ABCC10: variants seen among roughly 807,000 people sequenced by gnomAD.
ABCC10 encodes the protein ATP binding cassette subfamily C member 10.
Under a neutral mutation model 143.2 loss-of-function variants are expected in ABCC10, and 110 were observed. The ratio of observed to expected loss-of-function variants is 0.77; its 90% CI spans 0.66 to 0.90. The LOEUF (loss-of-function observed/expected upper bound fraction) is 0.90, where lower values mean the gene tolerates loss of function less well. Among genes scored for constraint, ABCC10 ranks in the 40% least tolerant of loss-of-function variants. ABCC10 has a pLI of 0.00. For missense variants in ABCC10, 1,700 were observed against 1,900.5 expected (o/e 0.89, Z 1.96); for synonymous variants, 805 against 846.7 (o/e 0.95, Z 0.85).
intron 6 of ABCC10, among the ~76,000 whole-genome samples, chr6:43,436,837 C>T (rs1781780105): frequency 6.6e-6 from 1 of 152,344 alleles, no homozygotes; most frequent in East Asian, 1.9e-4. Context: ...GCCTCCACCA[C>T]ATTTGGCTCA....
intron 20 of ABCC10, 79 bp from the exon 21 acceptor site, chr6:43,449,343 G>T (rs529608762): frequency 6.7e-7 from 1 of 1,499,504 alleles, no homozygotes; most frequent in Non-Finnish European, 9.1e-7. Context: ...CTGTGGTAGG[G>T]GCTGTTGCTT....
At chr6:43,444,985 G>A (rs779680834) in intron 13 of ABCC10, 47 bp downstream of exon 13, 101 of 1,585,058 alleles carry the variant, frequency 6.4e-5, no homozygotes, top group Non-Finnish European at 8.0e-5. Context: ...CAGAGTGGTC[G>A]CCAGGCAGGG....
chr6:43,446,342 C>T lies in ABCC10; in HGVS notation c.3440C>T (p.Thr1147Ile). The stretch of plus-strand genomic sequence containing the variant: ...AGGTGCCAGTTTGCCACCAGTGCCA[C>T]AATGCAGTGGCTGGACATTCGGCTA... ...NQRCQFATSA[T>I]MQWLDIRLQL... The change falls in exon 16 of 22, where the codon ACA becomes ATA. Residue 1147 changes from threonine to isoleucine, a missense_variant. Physicochemically the swap from Thr to Ile is moderately conservative, Grantham distance 89. Coordinates refer to ENST00000372530, the MANE Select transcript of ABCC10 (RefSeq NM_001198934.2). 1.2e-6 allele frequency: 2 copies of T among 1,613,978 alleles called. No homozygotes were observed. Among genetic ancestry groups the T allele is most frequent in the Non-Finnish European group, 1.7e-6 (2 of 1,179,948 alleles).
rs142977044 is a variant in ABCC10, at chr6:43,444,874, A to G, written c.2776A>G (p.Thr926Ala). ...TAGCTCCCAGGAGGCGCAACCCTCC[A>G]CCAGCCCAGCTTCTATGGGGCTCTT... ...ENSSQEAQPS[T>A]SPASMGLFSP... Residue 926 changes from threonine to alanine, a missense_variant, in exon 13 of 22, where the codon ACC (threonine) becomes GCC (alanine). By Grantham distance (58) the Thr-to-Ala change is moderately conservative. Transcript: ENST00000372530. 1.9e-6 allele frequency: 3 copies of G among 1,613,914 alleles called. No homozygotes were observed. In the Admixed American group the frequency reaches 5.0e-5, roughly 27 times the overall value.
intron 18 of ABCC10, among the ~76,000 whole-genome samples, chr6:43,448,319 A>G (rs1424957465): frequency 6.6e-6 from 1 of 152,194 alleles, no homozygotes; most frequent in Non-Finnish European, 1.5e-5. Context: ...ACTGGAGGGT[A>G]TACAACCCTT....
chr6:43,427,736 G>T lies in ABCC10; in HGVS notation c.-33G>T, dbSNP rs1562160179. ...CGGATGCCTGGGGGCGGAGAAACGG[G>T]AGGGGAAAAACAGATGGCAAGGTGG... On this transcript the variant is annotated 5_prime_UTR_variant, in exon 1 of 22. Transcript: ENST00000372530. 2 of 588,252 alleles carry T rather than the reference G, an allele frequency of 3.4e-6. No individual in the cohort carries two copies. Among genetic ancestry groups the T allele is most frequent in the East Asian group, 5.7e-5 (2 of 35,050 alleles). 36.4% of individuals were successfully genotyped at this position (588,252 alleles called of 1,614,324 possible). A position where few individuals can be genotyped will look rare whatever the true frequency, so the allele number is the denominator to read the frequency against.
Position 43,440,593 on chromosome 6 carries a change from G to A in ABCC10, c.2128-1269G>A, listed in dbSNP as rs113285774. 7.0e-3 allele frequency among the ~76,000 whole-genome samples: 1,059 copies of A among 151,140 alleles called. 17 individuals carry two copies. Among genetic ancestry groups the A allele is most frequent in the African/African-American group, 0.023 (936 of 41,126 alleles). On this transcript the variant is annotated intron_variant, in intron 8 of 21. Transcript: ENST00000372530. ...CCCAGGGCAGCCAGGCTTAACAGTG[G>A]TGGCTCACGCCTGTAATCCCAGCAC...
Position 43,443,429 on chromosome 6 carries a change from T to A in ABCC10, c.2416+270T>A. 2.5e-6 allele frequency: 1 copy of A among 401,426 alleles called. No individual in the cohort carries two copies. Among genetic ancestry groups the A allele is most frequent in the Non-Finnish European group, 4.4e-6 (1 of 226,618 alleles). The allele number at this position is 401,426 out of a possible 1,614,324, so 24.9% of individuals were successfully genotyped here. A position where few individuals can be genotyped will look rare whatever the true frequency, so the allele number is the denominator to read the frequency against. On this transcript the variant is annotated intron_variant, in intron 10 of 21. Transcript: ENST00000372530. This position sits in a 1 kb window ranked among gnomAD's most constrained non-coding sequence, Gnocchi z 4.2. ...GGGTCTCTGAGAACATTCTCATATC[T>A]TCAGAGAAGAGAAAGGAGTCAGGTT...
chr6:43,450,031 G>T lies in ABCC10; in HGVS notation c.4419G>T (p.Leu1473=), dbSNP rs766398406. Residue 1473 remains leucine (L), a synonymous_variant, in exon 22 of 22, where the codon CTG becomes CTT. Coordinates refer to ENST00000372530, the MANE Select transcript of ABCC10 (RefSeq NM_001198934.2). The surrounding 1 kb of genome is among the most constrained non-coding windows in gnomAD (Gnocchi z 4.5). ...CCCTGCGCAACCAGCCCCACTCCCT[G>T]TTCCAGCAGCTGCTGCAGAGCAGCC... is the stretch of plus-strand genomic sequence containing the variant. ...PATLRNQPHS[L]FQQLLQSSQQ... is the part of the protein sequence containing the mutation. The T allele has an allele frequency of 1.1e-5, 17 of 1,612,890 alleles. No individual in the cohort carries two copies. Among genetic ancestry groups the T allele is most frequent in the Non-Finnish European group, 1.0e-5 (12 of 1,179,594 alleles).
chr6:43,446,138 G>C, intron 15 of ABCC10, 139 bp from the exon 16 acceptor site: 2 of 1,179,332 alleles, frequency 1.7e-6, no homozygotes, highest in South Asian at 3.0e-5. Flanking sequence ...GGCATCTGCA[G>C]CCCTGAGGGA....
chr6:43,440,961 G>T (rs1359809921), intron 8 of ABCC10, among the ~76,000 whole-genome samples: 1 of 151,744 alleles, frequency 6.6e-6, no homozygotes, highest in African/African-American at 2.4e-5. Flanking sequence ...AAATTAGCTG[G>T]GTGTCATGGC....
intron 8 of ABCC10, among the ~76,000 whole-genome samples, chr6:43,441,572 T>C (rs891263600): frequency 3.3e-5 from 5 of 152,226 alleles, no homozygotes; most frequent in African/African-American, 1.2e-4. Context: ...CTAGTTAATC[T>C]GTCTGAGCTT....
At chr6:43,446,199 C>T in intron 15 of ABCC10, 78 bp from the exon 16 acceptor site, 1 of 1,522,040 alleles carries the variant, frequency 6.6e-7, no homozygotes, top group Non-Finnish European at 8.9e-7. Context: ...TCAATAAGGG[C>T]CTTCCCTGTT....
Position 43,450,383 on chromosome 6 carries a change from C to T in ABCC10, c.*292C>T. 9.5e-7 allele frequency: 1 copy of T among 1,049,042 alleles called. No individual in the cohort carries two copies. The highest frequency in any genetic ancestry group is 1.3e-6 in the Non-Finnish European group (1 of 757,288). 65.0% of individuals were successfully genotyped at this position (1,049,042 alleles called of 1,614,324 possible). A position where few individuals can be genotyped will look rare whatever the true frequency, so the allele number is the denominator to read the frequency against. On this transcript the variant is annotated 3_prime_UTR_variant, in exon 22 of 22. Coordinates refer to ENST00000372530, the MANE Select transcript of ABCC10 (RefSeq NM_001198934.2). The surrounding 1 kb of genome is among the most constrained non-coding windows in gnomAD (Gnocchi z 4.5). ...TTTCATAGTTTTATTTGATAAAATT[C>T]CATCTTACATTCTGTGTATTAAAAA...
Position 43,450,141 on chromosome 6 carries a change from G to A in ABCC10, c.*50G>A. 1.8e-5 allele frequency: 27 copies of A among 1,536,642 alleles called. No individual in the cohort carries two copies. The highest frequency in any genetic ancestry group is 2.4e-5 in the Non-Finnish European group (27 of 1,137,980). The stretch of plus-strand genomic sequence containing the variant: ...TCTCCCCTCTCTCTGATCCAGGCCG[G>A]GCCTATACAGAGGTGCTGGCTGCTT... On this transcript the variant is annotated 3_prime_UTR_variant, in exon 22 of 22. Transcript: ENST00000372530. This position sits in a 1 kb window ranked among gnomAD's most constrained non-coding sequence, Gnocchi z 4.5.
chr6:43,432,506 A>T lies in ABCC10; in HGVS notation c.526A>T (p.Ile176Phe). 1.2e-6 allele frequency: 2 copies of T among 1,612,168 alleles called. No homozygotes were observed. Among genetic ancestry groups the T allele is most frequent in the Non-Finnish European group, 8.5e-7 (1 of 1,180,012 alleles). Residue 176 changes from isoleucine (I) to phenylalanine (F), a missense_variant, in exon 3 of 22, where the codon ATC becomes TTC. Physicochemically the swap from Ile to Phe is conservative, Grantham distance 21. Coordinates refer to ENST00000372530, the MANE Select transcript of ABCC10 (RefSeq NM_001198934.2). Reference sequence around the variant, plus strand: ...GCCCATGGCCCGCCTATGCTTGCTCATCCTGCAGCTGGCTGCACTCTTGGC... The same window carrying T: ...GCCCATGGCCCGCCTATGCTTGCTCTTCCTGCAGCTGGCTGCACTCTTGGC... ...PGPMARLCLL[I>F]LQLAALLAYA... is the part of the protein sequence containing the mutation.
intron 2 of ABCC10, among the ~76,000 whole-genome samples, chr6:43,429,327 TA>T (rs779698739): frequency 2.6e-5 from 4 of 151,870 alleles, no homozygotes; most frequent in Non-Finnish European, 5.9e-5. Context: ...GAAATATATA[TA>T]TTTTTTTCTT....
At chr6:43,441,490 T>A (rs1327929418) in intron 8 of ABCC10, among the ~76,000 whole-genome samples, 9 of 147,480 alleles carry the variant, frequency 6.1e-5, no homozygotes, top group South Asian at 2.1e-4. Context: ...AAAAAAAGGG[T>A]AGTAAATGTA....
chr6:43,449,623 G>A (rs1485238647), intron 21 of ABCC10, 89 bp downstream of exon 21: 1 of 1,109,800 alleles, frequency 9.0e-7, no homozygotes, highest in Non-Finnish European at 1.3e-6. Context: ...CAGTGGTCAG[G>A]GCCTTAGAGA....
Sources: gnomAD v4.1 joint callset for allele counts (sites outside exome capture counted in the v4.1 genomes callset) on GRCh38, gnomAD v4.1.1 for gene constraint, Gnocchi (gnomAD v3.1) non-coding constraint, MANE v1.5 for transcripts, NCBI Gene and HGNC (gene_info 2026-07-23, HGNC 2026-07-21) for gene names.